PRDM16: variants seen among roughly 807,000 people sequenced by gnomAD.
PRDM16 encodes the protein histone-lysine N-methyltransferase PRDM16.
PRDM16 carries 23 observed loss-of-function variants against 110.6 expected under a neutral mutation model. The observed-to-expected ratio is 0.21, with a 90% CI of 0.15 to 0.29. The LOEUF (loss-of-function observed/expected upper bound fraction) is 0.29, where lower values mean the gene tolerates loss of function less well. Among genes scored for constraint, PRDM16 ranks in the 10% least tolerant of loss-of-function variants. The probability of loss-of-function intolerance (pLI) is 1.00; values close to 1 mark genes in which losing one functional copy is unlikely to be tolerated. For synonymous variants in PRDM16, 799 were observed against 781.8 expected (o/e 1.02, Z -0.37); for missense variants, 1,615 against 1,794.3 (o/e 0.90, Z 1.81).
At chr1:3,357,067 G>C (rs901428443) in intron 3 of PRDM16, among the ~76,000 whole-genome samples, 7 of 152,176 alleles carry the variant, frequency 4.6e-5, no homozygotes, top group Admixed American at 4.6e-4. Context: ...GCCATCCTCA[G>C]GCGGGTGCAG....
At chr1:3,121,186 C>T (rs577949522) in intron 1 of PRDM16, among the ~76,000 whole-genome samples, 1 of 152,252 alleles carries the variant, frequency 6.6e-6, no homozygotes, top group East Asian at 1.9e-4. Context: ...AGGCCTGGCC[C>T]CCGAGCTGCG....
At chr1:3,346,900 C>T (rs866417294) in intron 3 of PRDM16, among the ~76,000 whole-genome samples, 11 of 152,322 alleles carry the variant, frequency 7.2e-5, no homozygotes, top group Middle Eastern at 3.4e-3. Flanking sequence ...GGTGCTCTGC[C>T]GCTCCCCTTT....
At chr1:3,100,152 C>A (rs950258962) in intron 1 of PRDM16, among the ~76,000 whole-genome samples, 19 of 152,190 alleles carry the variant, frequency 1.2e-4, no homozygotes, top group African/African-American at 4.6e-4. Flanking sequence ...TCCCCTGAGG[C>A]CTTTGGTCTT....
intron 1 of PRDM16, among the ~76,000 whole-genome samples, chr1:3,180,959 CTTACACACTCGGT>C (rs1557507351): frequency 1.8e-3 from 255 of 142,602 alleles, no homozygotes; most frequent in African/African-American, 5.7e-3. Context: ...CACACGCAGT[CTTACACACTCGGT>C]CTTACACACG....
intron 3 of PRDM16, among the ~76,000 whole-genome samples, chr1:3,283,385 T>TCTCC (rs1036886551): frequency 1.3e-5 from 2 of 151,858 alleles, no homozygotes; most frequent in African/African-American, 2.4e-5. Context: ...TCTGTCCCTC[T>TCTCC]CTCCCTCCCT....
rs1465139456 is a variant in PRDM16, at chr1:3,213,300, T to C, written c.387+26826T>C. Among the ~76,000 whole-genome samples the C allele has an allele frequency of 6.9e-6, 1 of 145,614 alleles. No individual in the cohort carries two copies. Among genetic ancestry groups the C allele is most frequent in the Non-Finnish European group, 1.5e-5 (1 of 67,418 alleles). On this transcript the variant is annotated intron_variant, in intron 2 of 16. Transcript: ENST00000270722. The surrounding 1 kb of genome is among the most constrained non-coding windows in gnomAD (Gnocchi z 5.3). ...TAAACATGGCATGTCCATCAAGTCA[T>C]AGAGACAACCATTTCTGCTTAATTT...
At chr1:3,164,810 G>A (rs1232989274) in intron 1 of PRDM16, among the ~76,000 whole-genome samples, 3 of 152,102 alleles carry the variant, frequency 2.0e-5, no homozygotes, top group African/African-American at 4.8e-5. Context: ...AATGGAGGTC[G>A]CAGTGCTCCA....
At position 3,399,177 on chromosome 1, in the gene PRDM16, CA is replaced by C. The variant is rs1643429573; in HGVS notation, c.676+2585del. Among the ~76,000 whole-genome samples the C allele has an allele frequency of 2.6e-5, 4 of 152,340 alleles. No individual in the cohort carries two copies. In the South Asian group the frequency reaches 8.3e-4, roughly 32 times the overall value. On this transcript the variant is annotated intron_variant, in intron 5 of 16. Coordinates refer to ENST00000270722, the MANE Select transcript of PRDM16 (RefSeq NM_022114.4). ...AAATAAAGAAAGTCACTTCCATTCC[CA>C]TATGCTTTTCTTTTGAGAAAGCCTC...
intron 3 of PRDM16, among the ~76,000 whole-genome samples, chr1:3,335,733 T>C (rs1642132591): frequency 6.6e-6 from 1 of 152,198 alleles, no homozygotes; most frequent in South Asian, 2.1e-4. Context: ...TCTGGCATCC[T>C]GGTGGAAGGT....
intron 3 of PRDM16, among the ~76,000 whole-genome samples, chr1:3,377,984 T>G (rs953131256): frequency 2.6e-5 from 4 of 152,106 alleles, no homozygotes; most frequent in African/African-American, 9.7e-5. Context: ...GTGTCAGGGC[T>G]AGAAGACTTC....
chr1:3,355,056 A>G (rs912258828), intron 3 of PRDM16, among the ~76,000 whole-genome samples: 2 of 152,140 alleles, frequency 1.3e-5, no homozygotes, highest in Non-Finnish European at 2.9e-5. Flanking sequence ...CAAAGCCAGG[A>G]CTGCTGCCCT....
At chr1:3,431,257 C>T in intron 15 of PRDM16, 149 bp downstream of exon 15, 2 of 1,339,658 alleles carry the variant, frequency 1.5e-6, no homozygotes, top group Non-Finnish European at 9.9e-7. Context: ...ACACACAGGC[C>T]AGGGCAAGGC....
chr1:3,329,176 G>T (rs1641988847), intron 3 of PRDM16, among the ~76,000 whole-genome samples: 1 of 152,240 alleles, frequency 6.6e-6, no homozygotes, highest in African/African-American at 2.4e-5. Context: ...TTGTAGGTAG[G>T]AAGCAGCACT....
In PRDM16 at chr1:3,127,731, C is replaced by A. The variant is rs558706375; in HGVS notation, c.38-58394C>A. On this transcript the variant is annotated intron_variant, in intron 1 of 16. Coordinates refer to ENST00000270722, the MANE Select transcript of PRDM16 (RefSeq NM_022114.4). The stretch of plus-strand genomic sequence containing the variant: ...TGCGGTGCAGAGGCCCGGCCTGAAT[C>A]TCTGAGCGAGAGGCCGGTTTGCCTA... Among the ~76,000 whole-genome samples the A allele has an allele frequency of 1.3e-4, 20 of 152,378 alleles. No homozygotes were observed. In the South Asian group the frequency reaches 3.9e-3, roughly 30 times the overall value.
intron 12 of PRDM16, among the ~76,000 whole-genome samples, chr1:3,422,133 GCAGACAGGCAGA>G (rs1393238609): frequency 6.8e-6 from 1 of 147,480 alleles, no homozygotes; most frequent in African/African-American, 2.5e-5. Context: ...AGACAGGCAG[GCAGACAGGCAGA>G]CAGACAGGCA....
intron 3 of PRDM16, among the ~76,000 whole-genome samples, chr1:3,363,266 G>T (rs1219277045): frequency 4.6e-5 from 7 of 152,246 alleles, no homozygotes; most frequent in Admixed American, 4.6e-4. Flanking sequence ...CCCATTAACT[G>T]CTGTCTGTCC....
At chr1:3,402,654 G>C (rs1643492451) in intron 5 of PRDM16, 137 bp from the exon 6 acceptor site, 2 of 688,352 alleles carry the variant, frequency 2.9e-6, no homozygotes, top group East Asian at 5.4e-5. Context: ...AAGGCTGGAA[G>C]GAAGCAGTGC....
chr1:3,365,957 C>T (rs977920401), intron 3 of PRDM16, among the ~76,000 whole-genome samples: 7 of 151,994 alleles, frequency 4.6e-5, no homozygotes, highest in Non-Finnish European at 8.8e-5. Flanking sequence ...CACGCATGCA[C>T]ACATGCACAC....
rs1185989791 is a variant in PRDM16 at position 3,186,342 on chromosome 1, G to A, written c.255G>A (p.Glu85=). Residue 85 remains glutamate (E), a synonymous_variant, in exon 2 of 17, where the codon GAG becomes GAA. Coordinates refer to ENST00000270722, the MANE Select transcript of PRDM16 (RefSeq NM_022114.4). ...PEDIPIPADF[E]LRESSIPGAG... is the part of the protein sequence containing the mutation. The stretch of plus-strand genomic sequence containing the variant: ...ACATTCCGATCCCAGCAGACTTCGA[G>A]CTCCGAGAGTCCTCCATCCCAGGGG... The A allele has an allele frequency of 1.2e-6, 2 of 1,612,248 alleles. No homozygotes were observed. Among genetic ancestry groups the A allele is most frequent in the Non-Finnish European group, 1.7e-6 (2 of 1,179,778 alleles).
Sources: allele counts gnomAD v4.1 joint callset (sites outside exome capture counted in the v4.1 genomes callset), GRCh38; gene constraint gnomAD v4.1.1; non-coding constraint Gnocchi (gnomAD v3.1); transcripts MANE v1.5; gene names NCBI Gene and HGNC (gene_info 2026-07-23, HGNC 2026-07-21).